The following CAMK1D variants were observed in gnomAD, a reference collection of about 807,000 sequenced individuals.
CAMK1D encodes calcium/calmodulin-dependent protein kinase type 1D.
A neutral mutation model predicts 47.7 loss-of-function variants in CAMK1D; 9 were observed. That is an observed-to-expected ratio of 0.19 (90% CI 0.11 to 0.33). CAMK1D has a LOEUF of 0.33. Among genes scored for constraint, CAMK1D ranks in the 10% least tolerant of loss-of-function variants. The probability of loss-of-function intolerance (pLI) is 1.00; values close to 1 mark genes in which losing one functional copy is unlikely to be tolerated. For synonymous variants in CAMK1D, 184 were observed against 184.9 expected, an observed-to-expected ratio of 0.99 and a Z score of 0.04; for missense variants, 291 against 488.7, an observed-to-expected ratio of 0.60 and a Z score of 3.81.
At chr10:12,391,420 G>T (rs898137472) in intron 1 of CAMK1D, among the ~76,000 whole-genome samples, 6 of 152,148 alleles carry the variant, frequency 3.9e-5, no homozygotes, top group African/African-American at 1.2e-4. Context: ...GTTTCCACAG[G>T]AAGGCAGTTT....
chr10:12,748,243 C>T (rs1030170574), intron 3 of CAMK1D, among the ~76,000 whole-genome samples: 1 of 152,170 alleles, frequency 6.6e-6, no homozygotes, highest in African/African-American at 2.4e-5. Context: ...TCAGAATAGT[C>T]TCAATAAGAA....
intron 5 of CAMK1D, among the ~76,000 whole-genome samples, chr10:12,781,140 G>C (rs554382699): frequency 2.0e-5 from 3 of 152,184 alleles, no homozygotes; most frequent in Non-Finnish European, 1.5e-5. Flanking sequence ...GGGAGGTCAC[G>C]TTTTGTCGTG....
intron 1 of CAMK1D, among the ~76,000 whole-genome samples, chr10:12,440,747 G>C (rs1455394661): frequency 2.0e-5 from 3 of 152,172 alleles, no homozygotes; most frequent in Non-Finnish European, 4.4e-5. Context: ...ACACACAGGT[G>C]ATAAAACATG....
intron 1 of CAMK1D, among the ~76,000 whole-genome samples, chr10:12,472,566 C>G (rs945525460): frequency 6.6e-6 from 1 of 152,008 alleles, no homozygotes; most frequent in Non-Finnish European, 1.5e-5. Flanking sequence ...GCTCTGTCAC[C>G]CAGGCTGGAG....
rs562839530 is a variant in CAMK1D at position 12,824,074 on chromosome 10, G to C, written c.834-391G>C. The stretch of plus-strand genomic sequence containing the variant: ...GTGTGAGACCTTGGAGGTGGCGCAT[G>C]GTGGCTCAAAAGCTTGTGTGGAGGC... On this transcript the variant is annotated intron_variant, in intron 8 of 10. Coordinates refer to ENST00000619168, the MANE Select transcript of CAMK1D (RefSeq NM_153498.4). Among the ~76,000 whole-genome samples, 170 of 152,188 alleles carry C rather than the reference G, an allele frequency of 1.1e-3. 1 individual carries two copies. Among genetic ancestry groups the C allele is most frequent in the Middle Eastern group, 3.4e-3 (1 of 294 alleles).
intron 2 of CAMK1D, among the ~76,000 whole-genome samples, chr10:12,639,389 G>A (rs1353096839): frequency 6.6e-6 from 1 of 152,202 alleles, no homozygotes; most frequent in African/African-American, 2.4e-5. Flanking sequence ...GGAGGCTGAG[G>A]CAGGAGAATC....
chr10:12,404,461 T>A (rs1839340406), intron 1 of CAMK1D, among the ~76,000 whole-genome samples: 1 of 152,244 alleles, frequency 6.6e-6, no homozygotes, highest in African/African-American at 2.4e-5. Flanking sequence ...TTTTTGGAAA[T>A]ATGGTATGCC....
intron 1 of CAMK1D, among the ~76,000 whole-genome samples, chr10:12,523,368 C>T (rs1056030694): frequency 2.0e-5 from 3 of 152,168 alleles, no homozygotes; most frequent in Non-Finnish European, 4.4e-5. Context: ...GCTGCAATCT[C>T]GGCACTTTGG....
chr10:12,535,679 G>A (rs1285137830), intron 1 of CAMK1D, among the ~76,000 whole-genome samples: 1 of 152,170 alleles, frequency 6.6e-6, no homozygotes, highest in Admixed American at 6.5e-5. Flanking sequence ...CTCAAATGTG[G>A]CTACTTCATG....
At chr10:12,827,470 CTG>C (rs1833281858) in intron 10 of CAMK1D, among the ~76,000 whole-genome samples, 3 of 13,840 alleles carry the variant, frequency 2.2e-4, no homozygotes, top group Non-Finnish European at 5.4e-4. Flanking sequence ...CTTTGTCTGT[CTG>C]TCTTTCTTTC....
chr10:12,807,710 C>G (rs1021863788), intron 6 of CAMK1D, among the ~76,000 whole-genome samples: 1 of 152,162 alleles, frequency 6.6e-6, no homozygotes, highest in Non-Finnish European at 1.5e-5. Flanking sequence ...ATGCTGGGGA[C>G]CTTTGAGGCA....
chr10:12,518,300 GAC>G (rs1329902882), intron 1 of CAMK1D, among the ~76,000 whole-genome samples: 1 of 152,186 alleles, frequency 6.6e-6, no homozygotes, highest in Admixed American at 6.5e-5. Context: ...GAATAGTTAT[GAC>G]AGAGACCATA....
intron 1 of CAMK1D, among the ~76,000 whole-genome samples, chr10:12,408,853 T>TTC (rs1839548939): frequency 3.5e-5 from 5 of 143,592 alleles, no homozygotes; most frequent in Admixed American, 2.9e-4. Flanking sequence ...TCTTTCTTTT[T>TTC]TTTTTTTTTT....
chr10:12,823,634 A>G (rs1397202971), intron 8 of CAMK1D, among the ~76,000 whole-genome samples: 2 of 151,740 alleles, frequency 1.3e-5, no homozygotes, highest in Admixed American at 1.3e-4. Context: ...CTGTCAGGAG[A>G]GAAGGCCAGG....
intron 1 of CAMK1D, among the ~76,000 whole-genome samples, chr10:12,524,331 A>G (rs1425756595): frequency 6.6e-6 from 1 of 152,208 alleles, no homozygotes; most frequent in Non-Finnish European, 1.5e-5. Flanking sequence ...CACCTGAAGA[A>G]AATCTAAAAG....
chr10:12,490,306 T>C (rs1834343591), intron 1 of CAMK1D, among the ~76,000 whole-genome samples: 1 of 152,200 alleles, frequency 6.6e-6, no homozygotes, highest in South Asian at 2.1e-4. Flanking sequence ...TAAAGCTGGC[T>C]GCTTGCAGGG....
chr10:12,383,736 C>T (rs1449623257), intron 1 of CAMK1D, among the ~76,000 whole-genome samples: 9 of 152,178 alleles, frequency 5.9e-5, no homozygotes. Context: ...AAAGTCTACT[C>T]ACAGAGCTAA....
chr10:12,445,332 T>C (rs952147661), intron 1 of CAMK1D, among the ~76,000 whole-genome samples: 9 of 152,348 alleles, frequency 5.9e-5, no homozygotes, highest in Middle Eastern at 3.4e-3. Context: ...ATTTTTGGTT[T>C]ACACCAATTA....
At chr10:12,757,071 C>T (rs1765828361) in intron 3 of CAMK1D, among the ~76,000 whole-genome samples, 1 of 152,160 alleles carries the variant, frequency 6.6e-6, no homozygotes, top group Admixed American at 6.5e-5. Flanking sequence ...GCCTGTTTAC[C>T]TTTCCAGATC....
Sources: allele counts gnomAD v4.1 joint callset (sites outside exome capture counted in the v4.1 genomes callset), GRCh38; gene constraint gnomAD v4.1.1; transcripts MANE v1.5; gene names NCBI Gene and HGNC (gene_info 2026-07-23, HGNC 2026-07-21).